The following SLIT3 variants were observed in gnomAD, a reference collection of about 807,000 sequenced individuals.
SLIT3 encodes the protein slit guidance ligand 3.
In SLIT3, 68 loss-of-function variants were observed where a neutral mutation model predicts 184.0. That is an observed-to-expected ratio of 0.37 (90% confidence interval 0.30 to 0.45). The LOEUF (loss-of-function observed/expected upper bound fraction) is 0.45. SLIT3 is among the 20% of genes least tolerant of loss of function. The pLI, the probability that SLIT3 is intolerant of heterozygous loss-of-function variation, is 1.00. For missense variants in SLIT3, 1,707 were observed against 2,026.0 expected (o/e 0.84, Z 3.02); for synonymous variants, 831 against 828.6 (o/e 1.00, Z -0.05).
At chr5:168,869,060 G>A (rs1759417057) in intron 5 of SLIT3, among the ~76,000 whole-genome samples, 1 of 152,210 alleles carries the variant, frequency 6.6e-6, no homozygotes, top group South Asian at 2.1e-4. Flanking sequence ...TGTCACTCTG[G>A]TTGGCCTGTG....
chr5:168,761,921 A>AT (rs10654069), intron 15 of SLIT3, among the ~76,000 whole-genome samples: 1,566 of 110,488 alleles, frequency 0.014, 39 homozygotes, highest in African/African-American at 0.045. Context: ...AAAAAAAAAA[A>AT]TTTTTTTTTT....
intron 4 of SLIT3, among the ~76,000 whole-genome samples, chr5:169,086,294 T>C (rs1759294507): frequency 6.6e-6 from 1 of 152,234 alleles, no homozygotes; most frequent in Non-Finnish European, 1.5e-5. Context: ...TTGTAAGTTC[T>C]GAAAGTGTGT....
At chr5:169,022,857 A>T (rs1391469505) in intron 4 of SLIT3, 1 of 152,158 alleles carries the variant, frequency 6.6e-6, no homozygotes, top group Non-Finnish European at 1.5e-5. Flanking sequence ...CTAAGCTCAA[A>T]CATGTTAAGT....
intron 5 of SLIT3, among the ~76,000 whole-genome samples, chr5:168,871,096 T>G (rs1273726923): frequency 6.6e-6 from 1 of 152,212 alleles, no homozygotes; most frequent in Non-Finnish European, 1.5e-5. Flanking sequence ...CTGCGTTCCT[T>G]CTGGACGCCC....
intron 10 of SLIT3, among the ~76,000 whole-genome samples, chr5:168,793,156 G>GT (rs1319860838): frequency 1.3e-5 from 2 of 152,158 alleles, no homozygotes; most frequent in African/African-American, 2.4e-5. Flanking sequence ...TACTTGGAAT[G>GT]TTTTTTATAC....
chr5:168,920,442 G>A (rs1260354584), intron 4 of SLIT3, among the ~76,000 whole-genome samples: 1 of 152,180 alleles, frequency 6.6e-6, no homozygotes, highest in African/African-American at 2.4e-5. Flanking sequence ...TTTGCTGAGA[G>A]CAGGGGCAAC....
intron 14 of SLIT3, among the ~76,000 whole-genome samples, chr5:168,771,674 T>A (rs1030555095): frequency 6.6e-6 from 1 of 152,186 alleles, no homozygotes; most frequent in African/African-American, 2.4e-5. Context: ...CTCTGTATTA[T>A]CTCCAAGCCC....
chr5:169,223,550 G>A (rs77999551), intron 3 of SLIT3, among the ~76,000 whole-genome samples: 5,117 of 152,296 alleles, frequency 0.034, 100 homozygotes, highest in Non-Finnish European at 0.047. Context: ...CTCTGTTCAG[G>A]CCTCTATACT....
At chr5:168,990,547 C>T (rs965341400) in intron 4 of SLIT3, among the ~76,000 whole-genome samples, 1 of 152,178 alleles carries the variant, frequency 6.6e-6, no homozygotes, top group Admixed American at 6.5e-5. Context: ...TGCCCCAGCC[C>T]AGTGTCAAAA....
chr5:168,774,090 G>T, intron 13 of SLIT3, 145 bp downstream of exon 13: 1 of 787,768 alleles, frequency 1.3e-6, no homozygotes, highest in Non-Finnish European at 2.0e-6. Flanking sequence ...AAGCTATTCC[G>T]ATTTTTATTA....
intron 6 of SLIT3, among the ~76,000 whole-genome samples, chr5:168,826,203 G>T (rs928544987): frequency 1.3e-5 from 2 of 152,204 alleles, no homozygotes; most frequent in African/African-American, 4.8e-5. Flanking sequence ...GTCGTAATGA[G>T]TGCTATAAAA....
At chr5:169,208,409 G>C (rs960856133) in intron 3 of SLIT3, among the ~76,000 whole-genome samples, 1 of 152,090 alleles carries the variant, frequency 6.6e-6, no homozygotes, top group African/African-American at 2.4e-5. Context: ...TCACTTGGTT[G>C]CAATTGTGAA....
chr5:169,081,447 GA>G (rs1759053616), intron 4 of SLIT3, among the ~76,000 whole-genome samples: 1 of 152,190 alleles, frequency 6.6e-6, no homozygotes. Context: ...GTTTCAGCAG[GA>G]AACTCCTGGC....
chr5:169,128,108 G>C (rs990457540), intron 4 of SLIT3, among the ~76,000 whole-genome samples: 12 of 151,496 alleles, frequency 7.9e-5, no homozygotes, highest in Admixed American at 2.6e-4. Context: ...CAGGTAAAAT[G>C]CTTATGATGT....
chr5:169,110,401 T>A (rs1045711398), intron 4 of SLIT3, among the ~76,000 whole-genome samples: 1 of 152,112 alleles, frequency 6.6e-6, no homozygotes, highest in Admixed American at 6.5e-5. Flanking sequence ...AAAATCAAGG[T>A]GTTGGCAGGG....
chr5:169,174,724 T>C lies in SLIT3; in HGVS notation c.413+18755A>G, dbSNP rs12189159. Among the ~76,000 whole-genome samples the C allele has an allele frequency of 9.6e-3, 1,458 of 151,764 alleles. 16 individuals carry two copies. The highest frequency in any genetic ancestry group is 0.017 in the Middle Eastern group (5 of 294). ...AGAGTATGTCACAATCTATGAAAAA[T>C]CCAGGAGAGGAGATATCTGAGCCAA... On this transcript the variant is annotated intron_variant, in intron 4 of 35. Transcript: ENST00000519560.
intron 1 of SLIT3, among the ~76,000 whole-genome samples, chr5:169,259,706 G>A (rs1766100053): frequency 6.6e-6 from 1 of 152,196 alleles, no homozygotes. Context: ...ATGATGTCTA[G>A]GAGATCCTTG....
intron 4 of SLIT3, among the ~76,000 whole-genome samples, chr5:169,099,837 T>C (rs990280194): frequency 3.3e-5 from 5 of 152,156 alleles, no homozygotes; most frequent in Non-Finnish European, 7.3e-5. Flanking sequence ...AGGCAGGCAA[T>C]GTTGCAAGGA....
At chr5:169,095,239 T>C (rs1759734206) in intron 4 of SLIT3, among the ~76,000 whole-genome samples, 1 of 152,178 alleles carries the variant, frequency 6.6e-6, no homozygotes, top group East Asian at 1.9e-4. Context: ...GGGAAGCACA[T>C]GTAAATTCTC....
Sources: allele counts gnomAD v4.1 joint callset (sites outside exome capture counted in the v4.1 genomes callset), GRCh38; gene constraint gnomAD v4.1.1; transcripts MANE v1.5; gene names NCBI Gene and HGNC (gene_info 2026-07-23, HGNC 2026-07-21).